PCDH7: variants seen among roughly 807,000 people sequenced by gnomAD.
The protein encoded by PCDH7 is protocadherin-7.
A neutral mutation model predicts 58.9 loss-of-function variants in PCDH7; 17 were observed. The ratio of observed to expected loss-of-function variants is 0.29; its 90% CI spans 0.20 to 0.43. The LOEUF (loss-of-function observed/expected upper bound fraction) is 0.43, where lower values mean the gene tolerates loss of function less well. PCDH7 is among the 20% of genes least tolerant of loss of function. The pLI, the probability that PCDH7 is intolerant of heterozygous loss-of-function variation, is 1.00. For synonymous variants in PCDH7, 664 were observed against 616.4 expected (o/e 1.08, Z -1.14); for missense variants, 1,274 against 1,441.0 (o/e 0.88, Z 1.88).
intron 1 of PCDH7, among the ~76,000 whole-genome samples, chr4:30,902,389 T>TA (rs1161665228): frequency 2.0e-5 from 3 of 151,980 alleles, no homozygotes; most frequent in Non-Finnish European, 2.9e-5. Context: ...AGTTGTCATT[T>TA]AAAAAAAACT....
intron 1 of PCDH7, among the ~76,000 whole-genome samples, chr4:30,879,653 A>G (rs1302085015): frequency 6.6e-6 from 1 of 152,192 alleles, no homozygotes; most frequent in Admixed American, 6.5e-5. Flanking sequence ...TAAAGCAATT[A>G]TCGCCATGAT....
At chr4:30,982,317 A>G (rs1348812064) in intron 3 of PCDH7, among the ~76,000 whole-genome samples, 1 of 152,142 alleles carries the variant, frequency 6.6e-6, no homozygotes, top group Non-Finnish European at 1.5e-5. Context: ...TTTCATGTGA[A>G]TTTCTCCTTG....
chr4:30,855,463 GCAAACTCATCCTTTCT>G (rs1285359164), intron 1 of PCDH7, among the ~76,000 whole-genome samples: 1 of 152,130 alleles, frequency 6.6e-6, no homozygotes, highest in East Asian at 1.9e-4. Context: ...GCTGTTTGCG[GCAAACTCATCCTTTCT>G]TCCTGATGAG....
At chr4:30,902,558 T>C (rs1428362043) in intron 1 of PCDH7, among the ~76,000 whole-genome samples, 1 of 152,122 alleles carries the variant, frequency 6.6e-6, no homozygotes, top group East Asian at 1.9e-4. Flanking sequence ...AACATTTTAA[T>C]AGGCTATAAT....
At chr4:31,130,495 A>C (rs1206470020) in intron 3 of PCDH7, among the ~76,000 whole-genome samples, 1 of 152,222 alleles carries the variant, frequency 6.6e-6, no homozygotes, top group Non-Finnish European at 1.5e-5. Flanking sequence ...GTCTATACTA[A>C]CCCTACTGCA....
At chr4:30,982,421 C>T (rs531474176) in intron 3 of PCDH7, among the ~76,000 whole-genome samples, 1 of 152,260 alleles carries the variant, frequency 6.6e-6, no homozygotes, top group East Asian at 1.9e-4. Context: ...CTTTTCCTGG[C>T]TCGTATACTT....
intron 1 of PCDH7, among the ~76,000 whole-genome samples, chr4:30,882,868 G>T (rs35509507): frequency 0.37 from 56,060 of 151,966 alleles, 10,790 homozygotes; most frequent in African/African-American, 0.44. Context: ...TATCTTCATA[G>T]ATCTGTGTTA....
chr4:30,811,023 C>T (rs1726922835), intron 1 of PCDH7, among the ~76,000 whole-genome samples: 1 of 152,192 alleles, frequency 6.6e-6, no homozygotes, highest in African/African-American at 2.4e-5. Flanking sequence ...AAGGCCACAA[C>T]TCATAAAAGC....
chr4:30,931,631 T>C (rs1744613208), intron 2 of PCDH7, among the ~76,000 whole-genome samples: 1 of 151,720 alleles, frequency 6.6e-6, no homozygotes. Context: ...ATGTTGCTGA[T>C]ACAGATTTAA....
chr4:31,011,826 T>A (rs115100509), intron 3 of PCDH7, among the ~76,000 whole-genome samples: 4,946 of 152,112 alleles, frequency 0.033, 290 homozygotes, highest in African/African-American at 0.11. Flanking sequence ...AACTGTAATA[T>A]ATTTTCTTTT....
chr4:30,989,428 A>G (rs960444041), intron 3 of PCDH7, among the ~76,000 whole-genome samples: 5 of 152,206 alleles, frequency 3.3e-5, no homozygotes, highest in Admixed American at 2.0e-4. Flanking sequence ...GGCCACCTGT[A>G]GTGTGCCTGC....
At chr4:30,786,379 G>A (rs970810029) in intron 1 of PCDH7, among the ~76,000 whole-genome samples, 3 of 151,974 alleles carry the variant, frequency 2.0e-5, no homozygotes, top group African/African-American at 4.8e-5. Flanking sequence ...TATAAAGAAA[G>A]CAAACAACAC....
intron 3 of PCDH7, among the ~76,000 whole-genome samples, chr4:31,015,054 T>A (rs1578564586): frequency 6.6e-6 from 1 of 152,204 alleles, no homozygotes; most frequent in East Asian, 1.9e-4. Context: ...TCAATGAAAC[T>A]GTGTTTTTCC....
At chr4:31,135,954 G>A (rs1719550762) in intron 3 of PCDH7, among the ~76,000 whole-genome samples, 1 of 152,062 alleles carries the variant, frequency 6.6e-6, no homozygotes, top group African/African-American at 2.4e-5. Flanking sequence ...ATTATTATAG[G>A]TACTTTATAT....
rs1468332475 is a variant in PCDH7 at position 30,986,356 on chromosome 4, A to T, written c.*7+36141A>T. On this transcript the variant is annotated intron_variant, in intron 3 of 3. Coordinates refer to the PCDH7 transcript ENST00000509759. ...AGTCTATTTTCTCCTGAGAATAATT[A>T]TTTCCCATGAAGATGGTTTGTAGCT... Among the ~76,000 whole-genome samples, 4 of 152,144 alleles carry T rather than the reference A, an allele frequency of 2.6e-5. No individual in the cohort carries two copies. The East Asian group carries it at 7.7e-4, about 29-fold the overall frequency.
chr4:31,038,275 T>C (rs1755574494), intron 3 of PCDH7, among the ~76,000 whole-genome samples: 1 of 152,234 alleles, frequency 6.6e-6, no homozygotes, highest in African/African-American at 2.4e-5. Flanking sequence ...TTTGTTTTTC[T>C]TAAATATTGT....
At chr4:31,142,400 C>G in intron 3 of PCDH7, 73 bp from the exon 3 acceptor site, 2 of 1,199,544 alleles carry the variant, frequency 1.7e-6, no homozygotes, top group South Asian at 2.8e-5. Flanking sequence ...TATATTTCCT[C>G]TAATTTCATA....
chr4:30,942,440 T>C (rs989610764), intron 2 of PCDH7, among the ~76,000 whole-genome samples: 13 of 152,128 alleles, frequency 8.5e-5, no homozygotes, highest in African/African-American at 2.4e-4. Context: ...ATTTTTACCT[T>C]CAGTGTCCTA....
At chr4:30,855,945 G>A (rs942479596) in intron 1 of PCDH7, among the ~76,000 whole-genome samples, 5 of 152,018 alleles carry the variant, frequency 3.3e-5, no homozygotes, top group South Asian at 2.1e-4. Context: ...AATGTAAGGG[G>A]CACCGTCTGG....
Sources: gnomAD v4.1 joint callset for allele counts (sites outside exome capture counted in the v4.1 genomes callset) on GRCh38, gnomAD v4.1.1 for gene constraint, MANE v1.5 for transcripts, NCBI Gene and HGNC (gene_info 2026-07-23, HGNC 2026-07-21) for gene names.